TANGO6: variants seen among roughly 807,000 people sequenced by gnomAD.
TANGO6 encodes transport and Golgi organization protein 6 homolog.
TANGO6 carries 90 observed loss-of-function variants against 114.2 expected under a neutral mutation model. The ratio of observed to expected loss-of-function variants is 0.79; its 90% CI spans 0.66 to 0.94. TANGO6 has a LOEUF of 0.94. Ranked by LOEUF, TANGO6 falls within the 40% of genes least tolerant of loss-of-function variation. The pLI, the probability that TANGO6 is intolerant of heterozygous loss-of-function variation, is 0.00. For synonymous variants in TANGO6, 477 were observed against 509.8 expected, an observed-to-expected ratio of 0.94 and a Z score of 0.87; for missense variants, 1,274 against 1,315.3, an observed-to-expected ratio of 0.97 and a Z score of 0.49.
chr16:68,902,855 A>G (rs1259495683), intron 9 of TANGO6, among the ~76,000 whole-genome samples: 2 of 152,192 alleles, frequency 1.3e-5, no homozygotes, highest in East Asian at 1.9e-4. Context: ...AAAATGGTAT[A>G]TGTGTGTGTT....
intron 15 of TANGO6, among the ~76,000 whole-genome samples, chr16:69,013,437 A>G (rs1277039799): frequency 6.6e-6 from 1 of 151,958 alleles, no homozygotes; most frequent in African/African-American, 2.4e-5. Context: ...GCAACATGGC[A>G]AAACCCCTTC....
chr16:68,896,321 T>C (rs1962703294), intron 7 of TANGO6, among the ~76,000 whole-genome samples: 1 of 151,342 alleles, frequency 6.6e-6, no homozygotes, highest in African/African-American at 2.4e-5. Context: ...GCTTTTATTT[T>C]TTATTTTAAT....
chr16:69,002,275 T>C (rs954243352), intron 15 of TANGO6, among the ~76,000 whole-genome samples: 4 of 151,920 alleles, frequency 2.6e-5, no homozygotes, highest in Non-Finnish European at 4.4e-5. Flanking sequence ...AAAAATAAGA[T>C]CCAAGAAAAG....
chr16:69,071,591 C>T (rs1162106559), intron 17 of TANGO6, among the ~76,000 whole-genome samples: 3 of 152,202 alleles, frequency 2.0e-5, no homozygotes, highest in African/African-American at 7.2e-5. Flanking sequence ...CTACTCATTA[C>T]CGTCTTTACT....
intron 14 of TANGO6, among the ~76,000 whole-genome samples, chr16:68,963,822 A>G (rs921318809): frequency 2.0e-5 from 3 of 152,208 alleles, no homozygotes; most frequent in Admixed American, 6.5e-5. Flanking sequence ...CAGCAACTCT[A>G]TCATGCACAT....
intron 14 of TANGO6, among the ~76,000 whole-genome samples, chr16:68,935,112 C>A (rs1273432410): frequency 1.3e-5 from 2 of 152,108 alleles, no homozygotes; most frequent in South Asian, 2.1e-4. Flanking sequence ...CTGAATTTTC[C>A]CACCTGCATT....
chr16:68,866,520 G>A (rs906708852), intron 3 of TANGO6, among the ~76,000 whole-genome samples: 8 of 151,574 alleles, frequency 5.3e-5, no homozygotes, highest in Admixed American at 5.3e-4. Context: ...CTACTCGGGA[G>A]GCTGAGGCAG....
At chr16:69,075,800 T>G (rs1011814738) in intron 17 of TANGO6, among the ~76,000 whole-genome samples, 4 of 149,882 alleles carry the variant, frequency 2.7e-5, no homozygotes, top group African/African-American at 9.8e-5. Flanking sequence ...AGTCTCACTC[T>G]GTGTTACCCG....
At chr16:69,032,152 G>T (rs1038853828) in intron 16 of TANGO6, among the ~76,000 whole-genome samples, 1 of 152,128 alleles carries the variant, frequency 6.6e-6, no homozygotes, top group Admixed American at 6.6e-5. Context: ...AAAGGCAGTG[G>T]CCAGTCCCAG....
intron 11 of TANGO6, among the ~76,000 whole-genome samples, chr16:68,912,718 A>G (rs908151704): frequency 2.6e-5 from 4 of 152,036 alleles, no homozygotes; most frequent in Non-Finnish European, 5.9e-5. Context: ...CAGTGTACTG[A>G]ACACGTTTAT....
At position 68,886,684 on chromosome 16, in the gene TANGO6, A is replaced by G. The variant is rs527760351; in HGVS notation, c.1377+6054A>G. Among the ~76,000 whole-genome samples the G allele has an allele frequency of 1.1e-4, 17 of 151,444 alleles. No individual in the cohort carries two copies. The South Asian group carries it at 3.5e-3, about 32-fold the overall frequency. The stretch of plus-strand genomic sequence containing the variant: ...GCACCACGCCCAGTTAATTTTTTGT[A>G]TATTTTAGTAGAGACGGGGTTTCAC... On this transcript the variant is annotated intron_variant, in intron 7 of 17. Coordinates refer to ENST00000261778, the MANE Select transcript of TANGO6 (RefSeq NM_024562.2).
At chr16:69,044,418 G>A (rs1306696375) in intron 17 of TANGO6, among the ~76,000 whole-genome samples, 1 of 152,276 alleles carries the variant, frequency 6.6e-6, no homozygotes, top group East Asian at 1.9e-4. Flanking sequence ...AATCCCTGGA[G>A]AGGGATTAGA....
chr16:68,860,430 T>C lies in TANGO6; in HGVS notation c.641T>C (p.Leu214Ser). 1.2e-6 allele frequency: 2 copies of C among 1,614,006 alleles called. No homozygotes were observed. The highest frequency in any genetic ancestry group is 1.7e-6 in the Non-Finnish European group (2 of 1,179,898). The change falls in exon 2 of 18, where the codon TTG becomes TCG. Residue 214 changes from leucine (L) to serine (S), a missense_variant. Physicochemically the swap from Leu to Ser is moderately radical, Grantham distance 145 (BLOSUM62 -2). Transcript: ENST00000261778. Reference sequence around the variant, plus strand: ...GCTCAGCACACATCTCTGGGGAGCTTGATCTTCTGCCACCACTTTGGGGAT... The same window carrying C: ...GCTCAGCACACATCTCTGGGGAGCTCGATCTTCTGCCACCACTTTGGGGAT... The part of the protein sequence containing the change: ...NVAQHTSLGS[L>S]IFCHHFGDIA...
At chr16:69,035,880 A>C (rs145608689) in intron 16 of TANGO6, 12,960 of 152,158 alleles carry the variant, frequency 0.085, 721 homozygotes, top group Non-Finnish European at 0.12. Flanking sequence ...GCAAAACCCT[A>C]TCTCTACTAA....
At chr16:68,907,098 GA>G (rs1021453929) in intron 9 of TANGO6, among the ~76,000 whole-genome samples, 1 of 121,164 alleles carries the variant, frequency 8.3e-6, no homozygotes, top group African/African-American at 3.1e-5. Flanking sequence ...CCCAGACCTT[GA>G]TTTTTTTTTT....
At chr16:68,931,687 G>T (rs886210222) in intron 14 of TANGO6, among the ~76,000 whole-genome samples, 4 of 152,184 alleles carry the variant, frequency 2.6e-5, no homozygotes, top group African/African-American at 9.7e-5. Context: ...GAAATATCCA[G>T]AATAGGCAGT....
intron 1 of TANGO6, among the ~76,000 whole-genome samples, chr16:68,851,953 C>T (rs1961908859): frequency 1.3e-5 from 2 of 152,180 alleles, no homozygotes; most frequent in Non-Finnish European, 2.9e-5. Context: ...GGGCCATTTG[C>T]ATTTCTTTTC....
At chr16:69,065,546 C>T (rs1455444714) in intron 17 of TANGO6, among the ~76,000 whole-genome samples, 1 of 152,216 alleles carries the variant, frequency 6.6e-6, no homozygotes, top group African/African-American at 2.4e-5. Flanking sequence ...ACTTTAGATG[C>T]TCTCCTCATT....
chr16:68,846,326 C>G (rs1224787739), intron 1 of TANGO6, among the ~76,000 whole-genome samples: 2 of 152,110 alleles, frequency 1.3e-5, no homozygotes, highest in African/African-American at 4.8e-5. Flanking sequence ...GCCACCATGC[C>G]CAACCTCAAG....
Sources: allele counts gnomAD v4.1 joint callset (sites outside exome capture counted in the v4.1 genomes callset), GRCh38; gene constraint gnomAD v4.1.1; transcripts MANE v1.5; gene names NCBI Gene and HGNC (gene_info 2026-07-23, HGNC 2026-07-21).